Variants in SLC20A2 observed in about 807,000 individuals in gnomAD.
SLC20A2 encodes solute carrier family 20 member 2.
In SLC20A2, 30 loss-of-function variants were observed where a neutral mutation model predicts 61.0. The observed-to-expected ratio is 0.49, with a 90% CI of 0.37 to 0.67. The LOEUF (loss-of-function observed/expected upper bound fraction) is 0.67, where lower values mean the gene tolerates loss of function less well. SLC20A2 is among the 30% of genes least tolerant of loss of function. SLC20A2 has a pLI of 0.00. For synonymous variants in SLC20A2, 351 were observed against 353.3 expected (o/e 0.99, Z 0.07); for missense variants, 626 against 866.4 (o/e 0.72, Z 3.48).
At chr8:42,534,426 T>C (rs1329410519) in intron 1 of SLC20A2, among the ~76,000 whole-genome samples, 1 of 152,214 alleles carries the variant, frequency 6.6e-6, no homozygotes, top group Non-Finnish European at 1.5e-5. Flanking sequence ...TCTGGTTTCC[T>C]AGAAAACTGA....
chr8:42,451,943 G>A (rs1355549374), intron 5 of SLC20A2, among the ~76,000 whole-genome samples: 1 of 125,020 alleles, frequency 8.0e-6, no homozygotes, highest in Non-Finnish European at 1.7e-5. Flanking sequence ...AGGAGGAGGA[G>A]GAAGAGATGA....
At chr8:42,455,756 A>T (rs1289465763) in intron 5 of SLC20A2, among the ~76,000 whole-genome samples, 1 of 152,162 alleles carries the variant, frequency 6.6e-6, no homozygotes. Context: ...CCACATCTGT[A>T]TAATGTCACA....
At position 42,424,229 on chromosome 8, in the gene SLC20A2, G is replaced by A. The variant is rs75036559; in HGVS notation, c.1794+4529C>T. 5.6e-3 allele frequency among the ~76,000 whole-genome samples: 851 copies of A among 152,194 alleles called. 42 individuals carry two copies. In the East Asian group the frequency reaches 0.14, roughly 25 times the overall value. On this transcript the variant is annotated intron_variant, in intron 10 of 10. Transcript: ENST00000520262. ...CAAACGTGATTAAGGGTCACAGAAGGGAAGAATGATGAACGAATTGCTGAA... is the reference window on the plus strand; with the variant it reads ...CAAACGTGATTAAGGGTCACAGAAGAGAAGAATGATGAACGAATTGCTGAA...
chr8:42,533,654 C>CTTTTTTTCTTTTTTTTTTTTTTTT lies in SLC20A2; in HGVS notation c.-265+8166_-265+8167insAAAAAAAAAAAAAAAAGAAAAAAA, dbSNP rs1253260874. ...TTAATGGCCTTAATGATCAACTGTT[C>CTTTTTTTCTTTTTTTTTTTTTTTT]TTTTTTTTTTTTTTTTTTTTTTGAG... On this transcript the variant is annotated intron_variant, in intron 1 of 10. Transcript: ENST00000342228. Among the ~76,000 whole-genome samples the CTTTTTTTCTTTTTTTTTTTTTTTT allele has an allele frequency of 4.5e-3, 247 of 55,280 alleles. 38 individuals carry two copies. Among genetic ancestry groups the CTTTTTTTCTTTTTTTTTTTTTTTT allele is most frequent in the African/African-American group, 0.01 (126 of 12,380 alleles). 36.3% of individuals were successfully genotyped at this position (55,280 alleles called of 152,430 possible).
rs558614863 is a variant in SLC20A2 at position 42,439,784 on chromosome 8, A to G, written c.731-131T>C. The stretch of plus-strand genomic sequence containing the variant: ...GGAAACAAAAAAAAAAGTTATAGCT[A>G]GATAGAGAAAATGAAGTTGAGGCCA... On this transcript the variant is annotated intron_variant, in intron 6 of 10. Coordinates refer to ENST00000520262, the MANE Select transcript of SLC20A2 (RefSeq NM_001257180.2). The G allele has an allele frequency of 3.3e-4, 236 of 706,302 alleles. 2 individuals carry two copies. The South Asian group carries it at 4.4e-3, about 13-fold the overall frequency. 43.8% of individuals were successfully genotyped at this position (706,302 alleles called of 1,614,324 possible). A position where few individuals can be genotyped will look rare whatever the true frequency, so the allele number is the denominator to read the frequency against.
intron 8 of SLC20A2, among the ~76,000 whole-genome samples, chr8:42,435,469 T>C (rs1035089166): frequency 1.3e-5 from 2 of 152,090 alleles, no homozygotes; most frequent in African/African-American, 4.8e-5. Flanking sequence ...GGACTCGTTT[T>C]CCCCCATTTT....
intron 5 of SLC20A2, among the ~76,000 whole-genome samples, chr8:42,457,980 A>G (rs886900046): frequency 6.6e-6 from 1 of 152,232 alleles, no homozygotes; most frequent in Non-Finnish European, 1.5e-5. Context: ...AAGGATTTCC[A>G]CTATTTTGGA....
intron 1 of SLC20A2, among the ~76,000 whole-genome samples, chr8:42,537,297 T>C (rs968640296): frequency 4.0e-5 from 6 of 148,466 alleles, no homozygotes; most frequent in South Asian, 4.3e-4. Context: ...GGTGGGAGGA[T>C]TGCTTGAGGC....
intron 1 of SLC20A2, among the ~76,000 whole-genome samples, chr8:42,527,395 A>G (rs1383910774): frequency 6.6e-6 from 1 of 151,592 alleles, no homozygotes; most frequent in Admixed American, 6.6e-5. Flanking sequence ...AAAAAAAAAG[A>G]AACTAGATGT....
rs578069648 is a variant in SLC20A2 at position 42,422,868 on chromosome 8, C to G, written c.1795-4901G>C. ...TTCTCTGTTGTTACAATGTCTTCCT[C>G]CTTCCCCTCCCTCTTTTCCTTGATG... On this transcript the variant is annotated intron_variant, in intron 10 of 10. Transcript: ENST00000520262. Among the ~76,000 whole-genome samples, 9 of 149,308 alleles carry G rather than the reference C, an allele frequency of 6.0e-5. No homozygotes were observed. The East Asian group carries it at 8.1e-4, about 14-fold the overall frequency.
intron 10 of SLC20A2, among the ~76,000 whole-genome samples, chr8:42,428,226 G>T (rs888394755): frequency 6.6e-6 from 1 of 152,206 alleles, no homozygotes; most frequent in African/African-American, 2.4e-5. Context: ...TCCAGCTGCA[G>T]GTTTCAGAGC....
intron 1 of SLC20A2, among the ~76,000 whole-genome samples, chr8:42,498,049 T>G (rs1169269559): frequency 2.0e-5 from 3 of 152,176 alleles, no homozygotes; most frequent in Non-Finnish European, 4.4e-5. Flanking sequence ...TTAAGTAACT[T>G]GTTGAATTGC....
chr8:42,496,941 C>T (rs1809975536), intron 1 of SLC20A2, among the ~76,000 whole-genome samples: 1 of 152,218 alleles, frequency 6.6e-6, no homozygotes. Context: ...CTGCCCAGAT[C>T]CCCTGCAGGT....
intron 1 of SLC20A2, chr8:42,484,538 T>C (rs918476182): frequency 1.3e-5 from 2 of 155,670 alleles, no homozygotes; most frequent in African/African-American, 4.8e-5. Context: ...ACTCTGAGAA[T>C]GCTCATGGCT....
chr8:42,439,136 G>A (rs72643210), intron 7 of SLC20A2, among the ~76,000 whole-genome samples: 89 of 152,270 alleles, frequency 5.8e-4, no homozygotes, highest in Non-Finnish European at 1.1e-3. Flanking sequence ...TCAGCAATTC[G>A]ATAACTCCTG....
chr8:42,467,797 T>C (rs1397140886), intron 2 of SLC20A2, among the ~76,000 whole-genome samples: 1 of 152,190 alleles, frequency 6.6e-6, no homozygotes, highest in Non-Finnish European at 1.5e-5. Flanking sequence ...GACACCTCCT[T>C]AAGCCTCCAC....
chr8:42,465,800 T>C lies in SLC20A2; in HGVS notation c.407A>G (p.Gln136Arg), dbSNP rs776875200. ...ACCAATCTTGACAAGCTCCATCCAC[T>C]GCACACCTTTGGTACCGATTGCGAC... ...SLVAIGTKGV[Q>R]WMELVKIVAS... The change falls in exon 3 of 11, where the codon CAG becomes CGG. Residue 136 changes from glutamine (Q) to arginine (R), a missense_variant. Coordinates refer to ENST00000520262, the MANE Select transcript of SLC20A2 (RefSeq NM_001257180.2). The C allele has an allele frequency of 6.2e-7, 1 of 1,610,240 alleles. No homozygotes were observed. Among genetic ancestry groups the C allele is most frequent in the Non-Finnish European group, 8.5e-7 (1 of 1,178,494 alleles).
intron 1 of SLC20A2, among the ~76,000 whole-genome samples, chr8:42,476,393 G>A (rs991407637): frequency 6.6e-6 from 1 of 152,022 alleles, no homozygotes; most frequent in East Asian, 1.9e-4. Flanking sequence ...TTGAGCCACC[G>A]TGCCCGGCCG....
chr8:42,517,444 C>A (rs10102058), intron 1 of SLC20A2, among the ~76,000 whole-genome samples: 2,666 of 151,534 alleles, frequency 0.018, 82 homozygotes, highest in African/African-American at 0.059. Flanking sequence ...ACTTAGAGTA[C>A]CTTACAGGTT....
Sources: gnomAD v4.1 joint callset for allele counts (sites outside exome capture counted in the v4.1 genomes callset) on GRCh38, gnomAD v4.1.1 for gene constraint, MANE v1.5 for transcripts, NCBI Gene and HGNC (gene_info 2026-07-23, HGNC 2026-07-21) for gene names.